The following CELF4 variants were observed in gnomAD, a reference collection of about 807,000 sequenced individuals.
The protein encoded by CELF4 is CUGBP Elav-like family member 4.
In CELF4, 18 loss-of-function variants were observed where a neutral mutation model predicts 59.9. The ratio of observed to expected loss-of-function variants is 0.30; its 90% CI spans 0.21 to 0.45. The LOEUF (loss-of-function observed/expected upper bound fraction) is 0.45. Ranked by LOEUF, CELF4 falls within the 20% of genes least tolerant of loss-of-function variation. The pLI is 1.00. For synonymous variants in CELF4, 261 were observed against 267.1 expected (o/e 0.98, Z 0.22); for missense variants, 456 against 689.0 (o/e 0.66, Z 3.79).
At chr18:37,355,185 C>A (rs2154556812) in intron 2 of CELF4, among the ~76,000 whole-genome samples, 1 of 152,264 alleles carries the variant, frequency 6.6e-6, no homozygotes, top group Middle Eastern at 3.4e-3. Flanking sequence ...TGTGCACATA[C>A]AGGACATAGA....
At chr18:37,363,547 G>C (rs2098737176) in intron 2 of CELF4, among the ~76,000 whole-genome samples, 1 of 152,188 alleles carries the variant, frequency 6.6e-6, no homozygotes, top group Non-Finnish European at 1.5e-5. Flanking sequence ...CGTTACCAGA[G>C]AGTTATGCTA....
intron 1 of CELF4, among the ~76,000 whole-genome samples, chr18:37,506,205 C>T (rs185341447): frequency 1.3e-5 from 2 of 152,326 alleles, no homozygotes; most frequent in East Asian, 1.9e-4. Flanking sequence ...CCATCCCTTG[C>T]GTCCCATTAC....
intron 10 of CELF4, among the ~76,000 whole-genome samples, chr18:37,263,942 T>C (rs1197536409): frequency 6.6e-6 from 1 of 151,844 alleles, no homozygotes; most frequent in Admixed American, 6.6e-5. Flanking sequence ...CTCCCCACCC[T>C]CCCCACTGGC....
intron 2 of CELF4, 63 bp from the exon 3 acceptor site, chr18:37,321,944 G>A (rs1212006495): frequency 7.7e-7 from 1 of 1,302,648 alleles, no homozygotes; most frequent in Non-Finnish European, 1.1e-6. Flanking sequence ...CAGACACCCA[G>A]CACTCAGGTG....
intron 2 of CELF4, among the ~76,000 whole-genome samples, chr18:37,406,056 A>G (rs919046101): frequency 2.0e-5 from 3 of 152,104 alleles, no homozygotes; most frequent in Non-Finnish European, 2.9e-5. Context: ...TCTTTTTGTC[A>G]CAGAAGATAG....
intron 2 of CELF4, among the ~76,000 whole-genome samples, chr18:37,395,006 T>A (rs1200515611): frequency 8.1e-6 from 1 of 123,062 alleles, no homozygotes; most frequent in Non-Finnish European, 1.6e-5. Context: ...CACCCACCCC[T>A]GCAGATCCAA....
intron 3 of CELF4, among the ~76,000 whole-genome samples, chr18:37,281,277 T>C (rs1356472636): frequency 6.6e-6 from 1 of 152,228 alleles, no homozygotes; most frequent in African/African-American, 2.4e-5. Context: ...ACCACTTGAC[T>C]CGCCAAATGC....
chr18:37,398,651 T>G (rs1272961837), intron 2 of CELF4, among the ~76,000 whole-genome samples: 1 of 152,064 alleles, frequency 6.6e-6, no homozygotes, highest in Admixed American at 6.5e-5. Flanking sequence ...GGCCTGTTGG[T>G]GAAAGGGCCA....
intron 2 of CELF4, among the ~76,000 whole-genome samples, chr18:37,370,419 T>C (rs541473155): frequency 3.7e-4 from 57 of 152,236 alleles, no homozygotes; most frequent in African/African-American, 1.4e-3. Context: ...GTGCCCTGCA[T>C]TTCTCCAGAC....
At chr18:37,490,371 A>C (rs530867023) in intron 1 of CELF4, among the ~76,000 whole-genome samples, 10 of 152,304 alleles carry the variant, frequency 6.6e-5, no homozygotes, top group African/African-American at 2.4e-4. Context: ...TTGCATAATT[A>C]ACTTGAAAGG....
intron 1 of CELF4, among the ~76,000 whole-genome samples, chr18:37,512,004 A>G (rs1165411876): frequency 4.6e-5 from 7 of 152,156 alleles, no homozygotes; most frequent in Admixed American, 2.6e-4. Context: ...ATTTAAAAAA[A>G]GAAAGAAAGA....
intron 2 of CELF4, among the ~76,000 whole-genome samples, chr18:37,333,785 CAT>C (rs2097658252): frequency 6.7e-5 from 2 of 29,644 alleles, no homozygotes; most frequent in Non-Finnish European, 1.6e-4. Flanking sequence ...TCCATCCATG[CAT>C]CCATCCATCC....
chr18:37,285,969 C>A (rs1180090131), intron 3 of CELF4, among the ~76,000 whole-genome samples: 1 of 152,124 alleles, frequency 6.6e-6, no homozygotes, highest in Non-Finnish European at 1.5e-5. Flanking sequence ...TGCATTTCAC[C>A]CATCGCAGGA....
chr18:37,413,873 G>A (rs1181971517), intron 2 of CELF4, among the ~76,000 whole-genome samples: 1 of 152,164 alleles, frequency 6.6e-6, no homozygotes, highest in Admixed American at 6.5e-5. Context: ...CCAACCTGCT[G>A]TATAGTTGAG....
At chr18:37,457,185 C>T (rs1390508850) in intron 2 of CELF4, among the ~76,000 whole-genome samples, 1 of 152,164 alleles carries the variant, frequency 6.6e-6, no homozygotes, top group Non-Finnish European at 1.5e-5. Flanking sequence ...GGGACAAGGC[C>T]CTGGCTCCCT....
intron 2 of CELF4, among the ~76,000 whole-genome samples, chr18:37,337,069 A>G (rs1229689818): frequency 6.6e-6 from 1 of 151,808 alleles, no homozygotes; most frequent in East Asian, 1.9e-4. Flanking sequence ...CGACCCTTCC[A>G]TGCTACATCC....
intron 12 of CELF4, among the ~76,000 whole-genome samples, chr18:37,249,700 G>A (rs980334194): frequency 3.3e-5 from 5 of 152,102 alleles, no homozygotes; most frequent in African/African-American, 1.2e-4. Context: ...TCTCGGGGTG[G>A]AGGCTCACAG....
intron 1 of CELF4, among the ~76,000 whole-genome samples, chr18:37,527,635 A>G (rs1470367052): frequency 6.6e-6 from 1 of 152,200 alleles, no homozygotes; most frequent in East Asian, 1.9e-4. Context: ...TGGTGAGAAA[A>G]CAAGCAGTCT....
intron 2 of CELF4, among the ~76,000 whole-genome samples, chr18:37,441,312 C>CGTGTGT (rs1242716656): frequency 8.1e-6 from 1 of 124,136 alleles, no homozygotes; most frequent in Admixed American, 7.7e-5. Context: ...TGTGTGTGTA[C>CGTGTGT]ACACACGGGG....
Sources: allele counts gnomAD v4.1 joint callset (sites outside exome capture counted in the v4.1 genomes callset), GRCh38; gene constraint gnomAD v4.1.1; transcripts MANE v1.5; gene names NCBI Gene and HGNC (gene_info 2026-07-23, HGNC 2026-07-21).